TERF2: variants seen among roughly 807,000 people sequenced by gnomAD.
TERF2 encodes the protein telomeric repeat binding factor 2, also known as telomeric repeat-binding factor 2.
In TERF2, 16 loss-of-function variants were observed where a neutral mutation model predicts 56.1. The ratio of observed to expected loss-of-function variants is 0.29; its 90% CI spans 0.19 to 0.43. TERF2 has a LOEUF of 0.43. Ranked by LOEUF, TERF2 falls within the 20% of genes least tolerant of loss-of-function variation. TERF2 has a pLI of 1.00. For missense variants in TERF2, 547 were observed against 712.9 expected (o/e 0.77, Z 2.65); for synonymous variants, 296 against 282.1 (o/e 1.05, Z -0.50).
chr16:69,366,669 T>C, intron 7 of TERF2, 138 bp downstream of exon 7: 1 of 1,187,174 alleles, frequency 8.4e-7, no homozygotes, highest in Non-Finnish European at 1.1e-6. Context: ...TGGCCACTCC[T>C]GCGTCAAGTT....
rs1052048581 is a variant in TERF2, at chr16:69,356,693, G to T, written c.*205C>A. On this transcript the variant is annotated 3_prime_UTR_variant, in exon 10 of 10. Transcript: ENST00000254942. ...CGGGCGCCTGTAGTCCCAGCTACTC[G>T]GGAGGCTGAGGCAGGAGAATGGCGT... 1.9e-5 allele frequency: 9 copies of T among 482,446 alleles called. No homozygotes were observed. Among genetic ancestry groups the T allele is most frequent in the East Asian group, 3.8e-5 (1 of 26,226 alleles). 29.9% of individuals were successfully genotyped at this position (482,446 alleles called of 1,614,324 possible). A position where few individuals can be genotyped will look rare whatever the true frequency, so the allele number is the denominator to read the frequency against.
chr16:69,362,808 CAG>C (rs2013194669), intron 7 of TERF2, among the ~76,000 whole-genome samples: 2 of 152,284 alleles, frequency 1.3e-5, no homozygotes, highest in African/African-American at 2.4e-5. Flanking sequence ...TGTCTGAATT[CAG>C]AGTCTTGAGG....
At chr16:69,381,520 G>A (rs140460071) in intron 3 of TERF2, among the ~76,000 whole-genome samples, 10 of 147,948 alleles carry the variant, frequency 6.8e-5, no homozygotes, top group Admixed American at 1.4e-4. Flanking sequence ...TCACTCTGTC[G>A]TCCAGGCTCG....
At chr16:69,378,772 G>T (rs1436327444) in intron 3 of TERF2, among the ~76,000 whole-genome samples, 6 of 152,164 alleles carry the variant, frequency 3.9e-5, no homozygotes, top group African/African-American at 7.2e-5. Context: ...TACATTAAGA[G>T]GGAGAGACAG....
rs564611021 is a variant in TERF2 at position 69,359,627 on chromosome 16, A to ATTTTTTTT, written c.1426+1769_1426+1776dup. On this transcript the variant is annotated intron_variant, in intron 8 of 9. Coordinates refer to ENST00000254942, the MANE Select transcript of TERF2 (RefSeq NM_005652.5). ...AATCTTCCTCTTACTATCATTCCCA[A>ATTTTTTTT]TTTTTTTTTTTTTTTTTTTTTTTTT... is the stretch of plus-strand genomic sequence containing the variant. 1.4e-4 allele frequency among the ~76,000 whole-genome samples: 10 copies of ATTTTTTTT among 72,590 alleles called. 2 individuals carry two copies. Among genetic ancestry groups the ATTTTTTTT allele is most frequent in the African/African-American group, 3.1e-4 (5 of 16,134 alleles). The allele number at this position is 72,590 out of a possible 152,430, so 47.6% of individuals were successfully genotyped here.
chr16:69,382,148 C>T (rs1424890039), intron 3 of TERF2, among the ~76,000 whole-genome samples: 1 of 152,218 alleles, frequency 6.6e-6, no homozygotes, highest in African/African-American at 2.4e-5. Flanking sequence ...CTCATGGCTT[C>T]TCTGAAAGGG....
At position 69,372,317 on chromosome 16, in the gene TERF2, CT is replaced by C; in HGVS notation, c.644del (p.Lys215ArgfsTer6). 6.2e-7 allele frequency: 1 copy of C among 1,611,062 alleles called. No homozygotes were observed. Among genetic ancestry groups the C allele is most frequent in the Non-Finnish European group, 8.5e-7 (1 of 1,178,922 alleles). On this transcript the variant is annotated frameshift_variant, in exon 4 of 10. Transcript: ENST00000254942. LOFTEE classifies it high-confidence loss of function. Reference sequence around the variant, plus strand: ...TATGTTTTTTCAAAATTTTTGAAGCCTTTTCAAATTCTTTGTTTTTGATACA... The same window carrying C: ...TATGTTTTTTCAAAATTTTTGAAGCCTTTCAAATTCTTTGTTTTTGATACA... ...IICIKNKEFE[K>X]ASKILKKHMS...
chr16:69,379,687 T>TA (rs1436132152), intron 3 of TERF2, among the ~76,000 whole-genome samples: 1 of 152,202 alleles, frequency 6.6e-6, no homozygotes, highest in Non-Finnish European at 1.5e-5. Flanking sequence ...CAGAAAATTT[T>TA]AAATATTTAT....
intron 7 of TERF2, among the ~76,000 whole-genome samples, chr16:69,364,470 T>G (rs960688812): frequency 6.6e-5 from 10 of 152,088 alleles, no homozygotes; most frequent in African/African-American, 2.4e-4. Flanking sequence ...CAGGTCATTG[T>G]GTCATGAAGC....
At chr16:69,380,802 A>ATTTT (rs1159431847) in intron 3 of TERF2, among the ~76,000 whole-genome samples, 2 of 140,748 alleles carry the variant, frequency 1.4e-5, no homozygotes, top group Non-Finnish European at 1.6e-5. Flanking sequence ...ACATTCATTA[A>ATTTT]TTTTTTTTTT....
chr16:69,375,072 T>C (rs2013729166), intron 3 of TERF2, among the ~76,000 whole-genome samples: 1 of 152,212 alleles, frequency 6.6e-6, no homozygotes, highest in South Asian at 2.1e-4. Flanking sequence ...GGTCCATCCA[T>C]GTTGGTACAC....
chr16:69,376,404 T>C (rs1159349175), intron 3 of TERF2, among the ~76,000 whole-genome samples: 1 of 152,224 alleles, frequency 6.6e-6, no homozygotes, highest in Non-Finnish European at 1.5e-5. Context: ...TCTACTAATC[T>C]CTATAGTCGT....
intron 3 of TERF2, among the ~76,000 whole-genome samples, chr16:69,377,419 G>A (rs1402043569): frequency 1.3e-5 from 2 of 151,616 alleles, no homozygotes; most frequent in African/African-American, 4.8e-5. Context: ...CCTCCACCTC[G>A]CAGGTTCAAG....
At chr16:69,372,212 C>T (rs1362683658) in intron 4 of TERF2, 57 bp downstream of exon 4, 1 of 1,287,732 alleles carries the variant, frequency 7.8e-7, no homozygotes, top group African/African-American at 1.5e-5. Flanking sequence ...CCCTATTTCC[C>T]CACAAAAAGC....
intron 1 of TERF2, 48 bp from the exon 2 acceptor site, chr16:69,385,534 C>T (rs751069371): frequency 6.2e-7 from 1 of 1,610,482 alleles, no homozygotes; most frequent in Admixed American, 1.7e-5. Context: ...TCCCGACTCC[C>T]GGTCCCCCGG....
chr16:69,378,061 T>C (rs1018979116), intron 3 of TERF2, among the ~76,000 whole-genome samples: 1 of 152,204 alleles, frequency 6.6e-6, no homozygotes, highest in Non-Finnish European at 1.5e-5. Flanking sequence ...TTTTATCAGG[T>C]TGAGGAAGTT....
intron 8 of TERF2, among the ~76,000 whole-genome samples, chr16:69,360,405 G>C (rs1283818537): frequency 6.6e-6 from 1 of 151,150 alleles, no homozygotes; most frequent in Non-Finnish European, 1.5e-5. Flanking sequence ...AAGAAAAAAA[G>C]AAAACAATTT....
chr16:69,369,942 T>C (rs1227455566), intron 5 of TERF2, among the ~76,000 whole-genome samples: 1 of 152,218 alleles, frequency 6.6e-6, no homozygotes, highest in Admixed American at 6.5e-5. Context: ...CCATGGCAGA[T>C]TAACCATGTG....
Position 69,356,299 on chromosome 16 carries a change from T to C in TERF2, c.*599A>G, listed in dbSNP as rs1386957729. The stretch of plus-strand genomic sequence containing the variant: ...GAAGGTTCTACAGATTACCAGGGAT[T>C]TAAATTTAAGCAAACCACTAAAGAA... On this transcript the variant is annotated 3_prime_UTR_variant, in exon 10 of 10. Coordinates refer to ENST00000254942, the MANE Select transcript of TERF2 (RefSeq NM_005652.5). 2.4e-6 allele frequency: 1 copy of C among 416,874 alleles called. No individual in the cohort carries two copies. The highest frequency in any genetic ancestry group is 4.7e-6 in the Non-Finnish European group (1 of 212,360). The allele number at this position is 416,874 out of a possible 1,614,324, so 25.8% of individuals were successfully genotyped here.
Sources: gnomAD v4.1 joint callset for allele counts (sites outside exome capture counted in the v4.1 genomes callset) on GRCh38, gnomAD v4.1.1 for gene constraint, MANE v1.5 for transcripts, NCBI Gene and HGNC (gene_info 2026-07-23, HGNC 2026-07-21) for gene names.